Variants in TENM1 observed in about 807,000 individuals in gnomAD.
TENM1 encodes teneurin-1.
In TENM1, 35 loss-of-function variants were observed where a neutral mutation model predicts 174.8. The ratio of observed to expected loss-of-function variants is 0.20; its 90% CI spans 0.15 to 0.27. The LOEUF is 0.27. Among genes scored for constraint, TENM1 ranks in the 10% least tolerant of loss-of-function variants. TENM1 has a pLI of 1.00. For synonymous variants in TENM1, 781 were observed against 798.7 expected (o/e 0.98, Z 0.37); for missense variants, 1,633 against 2,130.1 (o/e 0.77, Z 4.59).
chrX:124,773,217 G>T (rs994328689), intron 3 of TENM1, among the ~76,000 whole-genome samples: 1 of 111,183 alleles, frequency 9.0e-6, no homozygotes, highest in East Asian at 2.8e-4. Context: ...TGCCTTGGAA[G>T]CACTGCAGTT....
At chrX:124,417,098 TA>T (rs2060602177) in intron 25 of TENM1, among the ~76,000 whole-genome samples, 2 of 112,323 alleles carry the variant, frequency 1.8e-5, no homozygotes, top group African/African-American at 6.5e-5. Context: ...ACAAACAGAT[TA>T]ACACAGTTGG....
chrX:124,849,866 T>C (rs2056685267), intron 3 of TENM1, among the ~76,000 whole-genome samples: 1 of 112,223 alleles, frequency 8.9e-6, no homozygotes, highest in Admixed American at 9.5e-5. Context: ...CTCAATCAGC[T>C]ATTTTGTTTA....
At chrX:124,801,531 CTT>C (rs1172084324) in intron 3 of TENM1, among the ~76,000 whole-genome samples, 11 of 111,752 alleles carry the variant, frequency 9.8e-5, no homozygotes, top group African/African-American at 3.6e-4. Flanking sequence ...GGTCTTGACT[CTT>C]TATCCAATTT....
At chrX:124,394,846 T>C (rs1297777552) in intron 27 of TENM1, among the ~76,000 whole-genome samples, 1 of 112,618 alleles carries the variant, frequency 8.9e-6, no homozygotes, top group Non-Finnish European at 1.9e-5. Flanking sequence ...TCTTAAAATA[T>C]ACTTTTTAAT....
intron 3 of TENM1, among the ~76,000 whole-genome samples, chrX:124,798,379 C>T (rs188718840): frequency 8.0e-4 from 89 of 111,745 alleles, no homozygotes; most frequent in African/African-American, 2.7e-3. Context: ...TTAATGATCG[C>T]CATTCTACTG....
intron 1 of TENM1, among the ~76,000 whole-genome samples, chrX:124,925,039 T>A (rs2058073588): frequency 9.1e-6 from 1 of 109,981 alleles, no homozygotes; most frequent in Non-Finnish European, 1.9e-5. Flanking sequence ...CAACTGTAAT[T>A]CACTCTGAGT....
chrX:124,798,500 T>G (rs1479215967), intron 3 of TENM1, among the ~76,000 whole-genome samples: 1 of 112,167 alleles, frequency 8.9e-6, no homozygotes, highest in Non-Finnish European at 1.9e-5. Context: ...TTTTGAGAAG[T>G]GTCTGTTCAT....
intron 3 of TENM1, among the ~76,000 whole-genome samples, chrX:124,889,453 G>GC (rs2057440645): frequency 9.0e-6 from 1 of 111,319 alleles, no homozygotes; most frequent in Non-Finnish European, 1.9e-5. Flanking sequence ...GAAACTTAGA[G>GC]AAACTCAACC....
intron 25 of TENM1, 122 bp from the exon 29 acceptor site, chrX:124,406,611 C>T: frequency 2.3e-6 from 1 of 432,539 alleles, no homozygotes. Flanking sequence ...TATTATTAAC[C>T]TTGTTCAAGA....
At chrX:124,581,565 C>T (rs113723756) in intron 11 of TENM1, among the ~76,000 whole-genome samples, 5,448 of 112,062 alleles carry the variant, frequency 0.049, 176 homozygotes, top group African/African-American at 0.11. Context: ...AGTAATGGGA[C>T]TGCTTGATTG....
chrX:124,840,221 A>G (rs1312981058), intron 3 of TENM1, among the ~76,000 whole-genome samples: 2 of 111,709 alleles, frequency 1.8e-5, no homozygotes, highest in Non-Finnish European at 3.8e-5. Flanking sequence ...ATAACATGAG[A>G]TTCTCTTATG....
At chrX:124,392,266 G>A in exon 28 of TENM1, 1 of 1,209,159 alleles carries the variant, frequency 8.3e-7, no homozygotes. Flanking sequence ...AATTCGAAGG[G>A]TGAATTTTCG....
chrX:124,886,099 G>T (rs2057379208), intron 3 of TENM1, among the ~76,000 whole-genome samples: 1 of 111,740 alleles, frequency 8.9e-6, no homozygotes, highest in South Asian at 3.7e-4. Flanking sequence ...AAATTCAGAT[G>T]ACAATGTTGT....
At position 124,585,394 on chromosome X, in the gene TENM1, G is replaced by C. The variant is rs753285672; in HGVS notation, c.2078-19834C>G. On this transcript the variant is annotated intron_variant, in intron 11 of 31. Coordinates refer to ENST00000422452, the Ensembl canonical transcript of TENM1. ...AGGATTAAGAAACTCACTCAAAACC[G>C]CTCAACTACATGGAAACTGAACAAC... Among the ~76,000 whole-genome samples the C allele has an allele frequency of 4.3e-3, 473 of 110,831 alleles. 1 individual carries two copies. The highest frequency in any genetic ancestry group is 0.028 in the Middle Eastern group (6 of 218).
chrX:124,759,738 G>A (rs2054361649), intron 3 of TENM1, among the ~76,000 whole-genome samples: 2 of 111,979 alleles, frequency 1.8e-5, no homozygotes, highest in South Asian at 7.5e-4. Flanking sequence ...TAAAAGATAT[G>A]TGCTTGCTAG....
chrX:124,719,191 T>C (rs2053253621), intron 4 of TENM1, among the ~76,000 whole-genome samples: 1 of 110,683 alleles, frequency 9.0e-6, no homozygotes, highest in South Asian at 3.9e-4. Context: ...GCACTCCTGA[T>C]CTTATCTTCC....
chrX:124,381,069 G>T, exon 32 of TENM1: 1 of 1,211,709 alleles, frequency 8.3e-7, no homozygotes, highest in Non-Finnish European at 1.1e-6. Context: ...GCAGCAAGCC[G>T]CCTGCTATCT....
intron 1 of TENM1, among the ~76,000 whole-genome samples, chrX:124,961,732 T>C (rs2058657554): frequency 9.0e-6 from 1 of 111,411 alleles, no homozygotes; most frequent in African/African-American, 3.3e-5. Flanking sequence ...GGGGTGATGG[T>C]GAGGCAAGGA....
the TENM1 span, among the ~76,000 whole-genome samples, chrX:125,100,397 A>G: frequency 4.3e-4 from 48 of 111,777 alleles, 1 homozygote; most frequent in Admixed American, 4.5e-3. Context: ...AATGGACGAT[A>G]CAAAAGAAAA....
Sources: gnomAD v4.1 joint callset for allele counts (sites outside exome capture counted in the v4.1 genomes callset) on GRCh38, gnomAD v4.1.1 for gene constraint, MANE v1.5 for transcripts, NCBI Gene and HGNC (gene_info 2026-07-23, HGNC 2026-07-21) for gene names.